The following RFFL variants were observed in gnomAD, a reference collection of about 807,000 sequenced individuals.
The protein encoded by RFFL is ring finger and FYVE like domain containing E3 ubiquitin protein ligase, also known as E3 ubiquitin-protein ligase rififylin.
A neutral mutation model predicts 40.4 loss-of-function variants in RFFL; 16 were observed. The observed-to-expected ratio is 0.40, with a 90% confidence interval of 0.27 to 0.60. The LOEUF is 0.60. Ranked by LOEUF, RFFL falls within the 20% of genes least tolerant of loss-of-function variation. The pLI, the probability that RFFL is intolerant of heterozygous loss-of-function variation, is 0.47. For synonymous variants in RFFL, 154 were observed against 167.9 expected (o/e 0.92, Z 0.64); for missense variants, 367 against 451.7 (o/e 0.81, Z 1.70).
chr17:35,033,983 A>G (rs1051924477), intron 1 of RFFL, among the ~76,000 whole-genome samples: 29 of 151,920 alleles, frequency 1.9e-4, no homozygotes, highest in Admixed American at 1.2e-3. Flanking sequence ...TCTACTGAAA[A>G]TACAAAAAAA....
At chr17:35,084,237 A>T (rs2091417923) in intron 1 of RFFL, among the ~76,000 whole-genome samples, 1 of 152,212 alleles carries the variant, frequency 6.6e-6, no homozygotes, top group African/African-American at 2.4e-5. Context: ...CCATCTCAAA[A>T]AAATAAATAA....
In RFFL at chr17:35,012,000, C is replaced by G. The variant is rs1311873420; in HGVS notation, c.1060G>C (p.Val354Leu). ...CGGAAGACATGCACAGCTCGGATTA[C>G]ATACTGCCGGCAGATGGGACATTCA... is the stretch of plus-strand genomic sequence containing the variant. ...MNECPICRQY[V>L]IRAVHVFRS is the part of the protein sequence containing the mutation. Residue 354 changes from valine to leucine, a missense_variant, in exon 7 of 7, where the codon GTA becomes CTA. By Grantham distance (32) the Val-to-Leu change is conservative. Coordinates refer to ENST00000394597, the MANE Select transcript of RFFL (RefSeq NM_001017368.2). The G allele has an allele frequency of 1.9e-6, 3 of 1,614,206 alleles. No individual in the cohort carries two copies. Among genetic ancestry groups the G allele is most frequent in the Non-Finnish European group, 2.5e-6 (3 of 1,180,024 alleles).
chr17:35,065,242 C>G (rs2091314118), upstream of RFFL, among the ~76,000 whole-genome samples: 1 of 151,944 alleles, frequency 6.6e-6, no homozygotes, highest in Non-Finnish European at 1.5e-5. Flanking sequence ...AAGCTCCTGA[C>G]CTGTTCTGTA....
rs186000573 is a variant in RFFL at position 35,007,268 on chromosome 17, G to A, written c.*4700C>T. The stretch of plus-strand genomic sequence containing the variant: ...CATCTTGTCCCTTCTCTGCCTTAGT[G>A]TGTGTTATTGCCATTTCAATGTCAG... On this transcript the variant is annotated 3_prime_UTR_variant, in exon 7 of 7. Coordinates refer to ENST00000394597, the MANE Select transcript of RFFL (RefSeq NM_001017368.2). 1.3e-5 allele frequency: 2 copies of A among 152,380 alleles called. No homozygotes were observed. Among genetic ancestry groups the A allele is most frequent in the Middle Eastern group, 3.4e-3 (1 of 294 alleles). The allele number at this position is 152,380 out of a possible 1,614,324, so 9.4% of individuals were successfully genotyped here.
chr17:35,071,286 G>A (rs2091348919), intron 1 of RFFL, among the ~76,000 whole-genome samples: 1 of 152,054 alleles, frequency 6.6e-6, no homozygotes, highest in African/African-American at 2.4e-5. Context: ...TACACTGCTG[G>A]TGAGACTGTA....
chr17:35,033,911 G>C (rs1301130173), intron 1 of RFFL, among the ~76,000 whole-genome samples: 1 of 151,860 alleles, frequency 6.6e-6, no homozygotes, highest in African/African-American at 2.4e-5. Context: ...GGGAGGCCGA[G>C]GTGGGCGGAT....
rs1000832550 is a variant in RFFL at position 35,009,778 on chromosome 17, T to G, written c.*2190A>C. The G allele has an allele frequency of 2.0e-5, 3 of 152,632 alleles. No homozygotes were observed. The highest frequency in any genetic ancestry group is 4.4e-5 in the Non-Finnish European group (3 of 68,046). The allele number at this position is 152,632 out of a possible 1,614,324, so 9.5% of individuals were successfully genotyped here. ...AGGGAAACTGAAGAGGAGGTAAGGC[T>G]TCAGCAGAGAAAGCAGGTTGTAAGT... On this transcript the variant is annotated 3_prime_UTR_variant, in exon 7 of 7. Transcript: ENST00000394597.
intron 1 of RFFL, among the ~76,000 whole-genome samples, chr17:35,061,560 C>A (rs1321204684): frequency 2.0e-5 from 3 of 151,422 alleles, no homozygotes; most frequent in Non-Finnish European, 4.4e-5. Flanking sequence ...TGGGTGCAAG[C>A]AATTCTCTTT....
chr17:35,060,599 G>A (rs536535663), intron 1 of RFFL, among the ~76,000 whole-genome samples: 378 of 152,232 alleles, frequency 2.5e-3, no homozygotes, highest in African/African-American at 8.5e-3. Flanking sequence ...TAAAAATGTC[G>A]TGATATTGCG....
intron 1 of RFFL, among the ~76,000 whole-genome samples, chr17:35,052,300 A>G (rs1003080787): frequency 6.6e-6 from 1 of 152,096 alleles, no homozygotes; most frequent in African/African-American, 2.4e-5. Context: ...AAAGCAATAT[A>G]CTGACAAATT....
intron 1 of RFFL, among the ~76,000 whole-genome samples, chr17:35,081,315 T>C (rs1183638963): frequency 6.6e-6 from 1 of 152,244 alleles, no homozygotes; most frequent in Non-Finnish European, 1.5e-5. Flanking sequence ...TATTGAAGAC[T>C]ATATATTTCT....
chr17:35,040,865 GGTGT>G (rs10578625), intron 1 of RFFL, among the ~76,000 whole-genome samples: 49 of 63,788 alleles, frequency 7.7e-4, no homozygotes, highest in Admixed American at 2.0e-3. Flanking sequence ...TTTTTTTTTT[GGTGT>G]GTGTGTGTGT....
chr17:35,070,841 A>C (rs1254790976), intron 1 of RFFL, among the ~76,000 whole-genome samples: 1 of 152,362 alleles, frequency 6.6e-6, no homozygotes, highest in East Asian at 1.9e-4. Context: ...CAGTCGAATC[A>C]GTTTTACTAA....
At chr17:35,072,347 T>C (rs1426106163) in intron 1 of RFFL, among the ~76,000 whole-genome samples, 1 of 151,976 alleles carries the variant, frequency 6.6e-6, no homozygotes, top group Non-Finnish European at 1.5e-5. Flanking sequence ...AACCCAGTCT[T>C]AAAAGGTCAC....
At chr17:35,079,525 T>C (rs1181531130) in intron 1 of RFFL, among the ~76,000 whole-genome samples, 1 of 152,220 alleles carries the variant, frequency 6.6e-6, no homozygotes, top group African/African-American at 2.4e-5. Context: ...GTGGTGAGGA[T>C]TTTATCAAGT....
chr17:35,082,294 A>C (rs1398068365), intron 1 of RFFL, among the ~76,000 whole-genome samples: 10 of 152,238 alleles, frequency 6.6e-5, no homozygotes, highest in Non-Finnish European at 1.5e-4. Context: ...GACAGGGAAC[A>C]AGAAACGAAG....
chr17:35,030,026 A>C (rs1382145448), intron 1 of RFFL, among the ~76,000 whole-genome samples: 1 of 138,164 alleles, frequency 7.2e-6, no homozygotes, highest in African/African-American at 2.7e-5. Context: ...TGAACTCATC[A>C]TTTTTTATGG....
Position 35,012,314 on chromosome 17 carries a change from C to T in RFFL, c.911-165G>A, listed in dbSNP as rs117145720. On this transcript the variant is annotated intron_variant, in intron 6 of 6. Transcript: ENST00000394597. ...ATAGAGCTCCTCCGAGGAAACATTT[C>T]CTCAATAACCAACTCTGGTTACTTG... 7.6e-3 allele frequency among the ~76,000 whole-genome samples: 1,165 copies of T among 152,332 alleles called. 19 individuals are homozygous for T. Among genetic ancestry groups the T allele is most frequent in the African/African-American group, 0.026 (1,093 of 41,560 alleles).
rs1277741387 is a variant in RFFL at position 35,016,373 on chromosome 17, G to C, written c.883C>G (p.Leu295Val). Residue 295 changes from leucine to valine, a missense_variant, in exon 5 of 7, where the codon CTG becomes GTG. By Grantham distance (32) the Leu-to-Val change is conservative. Coordinates refer to ENST00000394597, the MANE Select transcript of RFFL (RefSeq NM_001017368.2). ...LYKDQKGLQH[L>V]VSGAEDQNGG... ...TACCATGCAGATAGCCCCTCACCCA[G>C]GTGCTGGAGTCCTTTCTGATCCTTG... 6.2e-7 allele frequency: 1 copy of C among 1,613,916 alleles called. No individual in the cohort carries two copies.
Sources: gnomAD v4.1 joint callset for allele counts (sites outside exome capture counted in the v4.1 genomes callset) on GRCh38, gnomAD v4.1.1 for gene constraint, MANE v1.5 for transcripts, NCBI Gene and HGNC (gene_info 2026-07-23, HGNC 2026-07-21) for gene names.